Variants in ARHGAP45 observed in about 807,000 individuals in gnomAD.
The protein encoded by ARHGAP45 is rho GTPase-activating protein 45.
In ARHGAP45, 56 loss-of-function variants were observed where a neutral mutation model predicts 116.1. The observed-to-expected ratio is 0.48, with a 90% CI of 0.39 to 0.60. ARHGAP45 has a LOEUF of 0.60. ARHGAP45 is among the 20% of genes least tolerant of loss of function. The probability of loss-of-function intolerance (pLI) is 0.00; values close to 1 mark genes in which losing one functional copy is unlikely to be tolerated. For synonymous variants in ARHGAP45, 866 were observed against 701.7 expected (o/e 1.23, Z -3.70); for missense variants, 1,622 against 1,601.0 (o/e 1.01, Z -0.22).
chr19:1,080,903 G>A lies in ARHGAP45; in HGVS notation c.2029G>A (p.Gly677Ser), dbSNP rs574558883. 2.5e-6 allele frequency: 4 copies of A among 1,608,328 alleles called. No homozygotes were observed. Among genetic ancestry groups the A allele is most frequent in the East Asian group, 4.5e-5 (2 of 44,750 alleles). ...ASAFEQADLN[G>S]MTPELPVAVP... ...TGTGCTGCCCGCAGCTGACCTCAAC[G>A]GCATGACCCCCGAGCTGCCGGTGGC... The change falls in exon 17 of 23, where the codon GGC becomes AGC. Residue 677 changes from glycine (G) to serine (S), a missense_variant. Gly to Ser is a moderately conservative substitution (Grantham distance 56). Coordinates refer to ENST00000313093, the MANE Select transcript of ARHGAP45 (RefSeq NM_012292.5).
In ARHGAP45 at chr19:1,069,851, C is replaced by G. The variant is rs922468681; in HGVS notation, c.421+1107C>G. Among the ~76,000 whole-genome samples the G allele has an allele frequency of 1.4e-5, 2 of 146,828 alleles. No individual in the cohort carries two copies. Among genetic ancestry groups the G allele is most frequent in the Admixed American group, 1.4e-4 (2 of 14,476 alleles). ...TTTTTTTTTGATACAGGGTCTTGCTCTGTTGCCCAGGCTGGAGTCCAGTGG... is the reference window on the plus strand; with the variant it reads ...TTTTTTTTTGATACAGGGTCTTGCTGTGTTGCCCAGGCTGGAGTCCAGTGG... On this transcript the variant is annotated intron_variant, in intron 2 of 22. Transcript: ENST00000313093. This position sits in a 1 kb window ranked among gnomAD's most constrained non-coding sequence, Gnocchi z 4.1.
intron 22 of ARHGAP45, 112 bp downstream of exon 22, chr19:1,084,458 TTC>T (rs2043541399): frequency 1.4e-6 from 1 of 725,242 alleles, no homozygotes; most frequent in South Asian, 1.8e-5. Flanking sequence ...GTGCTGCACA[TTC>T]TGTGGATTTC....
rs1050257729 is a variant in ARHGAP45 at position 1,067,207 on chromosome 19, G to T, written c.-199G>T. 2.2e-6 allele frequency: 3 copies of T among 1,355,182 alleles called. No homozygotes were observed. The highest frequency in any genetic ancestry group is 1.9e-6 in the Non-Finnish European group (2 of 1,059,806). The allele number at this position is 1,355,182 out of a possible 1,614,324, so 83.9% of individuals were successfully genotyped here. A position where few individuals can be genotyped will look rare whatever the true frequency, so the allele number is the denominator to read the frequency against. ...AGGCTGAGGCCGGGAAGGGTCGGGG[G>T]CGAGGCCGCGTCGCCGCCTCCCCGA... is the stretch of plus-strand genomic sequence containing the variant. On this transcript the variant is annotated 5_prime_UTR_variant, in exon 1 of 23. Coordinates refer to ENST00000313093, the MANE Select transcript of ARHGAP45 (RefSeq NM_012292.5).
intron 19 of ARHGAP45, chr19:1,082,388 C>A (rs1427077233): frequency 1.1e-5 from 2 of 178,030 alleles, no homozygotes; most frequent in Non-Finnish European, 2.0e-5. Context: ...TAGACAAGTG[C>A]GGGGCTGGCG....
intron 1 of ARHGAP45, 124 bp downstream of exon 1, chr19:1,067,619 G>T (rs753401432): frequency 1.0e-6 from 1 of 954,168 alleles, no homozygotes; most frequent in South Asian, 1.4e-5. Context: ...AGCCCCTACC[G>T]GGCGGGACGG....
Position 1,083,338 on chromosome 19 carries a change from G to C in ARHGAP45, c.2940G>C (p.Glu980Asp), listed in dbSNP as rs1443778246. ...YGLVFEEEPE[E>D]TPGGQDESSN... ...TGGTCTTCGAGGAGGAGCCGGAGGA[G>C]ACCCCCGGGGGCCAGGTGAGGGTGT... The change falls in exon 21 of 23, where the codon GAG (glutamate) becomes GAC (aspartate). Residue 980 changes from glutamate to aspartate, a missense_variant. Coordinates refer to ENST00000313093, the MANE Select transcript of ARHGAP45 (RefSeq NM_012292.5). 1.3e-6 allele frequency: 2 copies of C among 1,550,988 alleles called. No homozygotes were observed.
In ARHGAP45 at chr19:1,080,923, G is replaced by A. The variant is rs199528174; in HGVS notation, c.2049G>A (p.Pro683=). 4 of 1,609,082 alleles carry A rather than the reference G, an allele frequency of 2.5e-6. No individual in the cohort carries two copies. Among genetic ancestry groups the A allele is most frequent in the East Asian group, 2.2e-5 (1 of 44,756 alleles). The part of the protein sequence containing the change: ...ADLNGMTPEL[P]VAVPSGPFRH... ...TCAACGGCATGACCCCCGAGCTGCCGGTGGCCGTGCCCAGTGGACCGTTCC... is the reference window on the plus strand; with the variant it reads ...TCAACGGCATGACCCCCGAGCTGCCAGTGGCCGTGCCCAGTGGACCGTTCC... The change falls in exon 17 of 23, where the codon CCG becomes CCA. Residue 683 remains proline (P), a synonymous_variant. Transcript: ENST00000313093.
intron 2 of ARHGAP45, 88 bp from the exon 3 acceptor site, chr19:1,073,061 G>A: frequency 6.9e-7 from 1 of 1,450,748 alleles, no homozygotes; most frequent in Non-Finnish European, 9.2e-7. Context: ...CCCCATCTGG[G>A]AACAGGAGCT....
rs771305032 is a variant in ARHGAP45 at position 1,079,672 on chromosome 19, C to T, written c.1375-31C>T. ...CTGAGTCCTGCACCCCGGGCTGAGGCCTCTCTCTGTGCGCCCCGCCCCCAC... is the reference window on the plus strand; with the variant it reads ...CTGAGTCCTGCACCCCGGGCTGAGGTCTCTCTCTGTGCGCCCCGCCCCCAC... On this transcript the variant is annotated intron_variant, in intron 11 of 22. Coordinates refer to ENST00000313093, the MANE Select transcript of ARHGAP45 (RefSeq NM_012292.5). 3.4e-5 allele frequency: 55 copies of T among 1,610,582 alleles called. No homozygotes were observed. The East Asian group carries it at 1.2e-3, about 35-fold the overall frequency.
At chr19:1,073,835 C>G (rs1249439018) in intron 5 of ARHGAP45, 89 bp downstream of exon 5, 1 of 1,531,386 alleles carries the variant, frequency 6.5e-7, no homozygotes, top group East Asian at 2.4e-5. Context: ...CACCCTGCTT[C>G]CCCTGTGCGC....
chr19:1,072,129 T>C (rs1305331150), intron 2 of ARHGAP45, among the ~76,000 whole-genome samples: 2 of 152,162 alleles, frequency 1.3e-5, no homozygotes, highest in Non-Finnish European at 2.9e-5. Flanking sequence ...TGGCGCGATC[T>C]CGGCTCACTG....
chr19:1,083,124 GC>G lies in ARHGAP45; in HGVS notation c.2745-15del. 1 of 1,594,968 alleles carries G rather than the reference GC, an allele frequency of 6.3e-7. No homozygotes were observed. Reference sequence around the variant, plus strand: ...GGTCCCGGGAGCCGCTCAGCACCTGGCCCCTGCCCACCCCGCAGGATCGTGG... The same window carrying G: ...GGTCCCGGGAGCCGCTCAGCACCTGGCCCTGCCCACCCCGCAGGATCGTGG... On this transcript the variant is annotated intron_variant, in intron 20 of 22. Transcript: ENST00000313093.
At position 1,068,819 on chromosome 19, in the gene ARHGAP45, G is replaced by C; in HGVS notation, c.421+75G>C. 7.0e-7 allele frequency: 1 copy of C among 1,430,242 alleles called. No individual in the cohort carries two copies. The highest frequency in any genetic ancestry group is 1.2e-5 in the South Asian group (1 of 82,104). The allele number at this position is 1,430,242 out of a possible 1,614,324, so 88.6% of individuals were successfully genotyped here. Reference sequence around the variant, plus strand: ...CAAGGGAGGATGGAGGGAGGGACTTGGGGAGGCTCAGAAGGGAGGGAGGCT... The same window carrying C: ...CAAGGGAGGATGGAGGGAGGGACTTCGGGAGGCTCAGAAGGGAGGGAGGCT... On this transcript the variant is annotated intron_variant, in intron 2 of 22. Coordinates refer to ENST00000313093, the MANE Select transcript of ARHGAP45 (RefSeq NM_012292.5). The surrounding 1 kb of genome is among the most constrained non-coding windows in gnomAD (Gnocchi z 7.5).
chr19:1,083,882 A>C (rs938175948), intron 21 of ARHGAP45, among the ~76,000 whole-genome samples: 1 of 152,156 alleles, frequency 6.6e-6, no homozygotes. Flanking sequence ...CTGGGACTAC[A>C]GGCGCCGGCC....
Position 1,074,832 on chromosome 19 carries a change from C to T in ARHGAP45, c.1138C>T (p.Arg380Cys). The change falls in exon 10 of 23, where the codon CGC (arginine) becomes TGC (cysteine). Residue 380 changes from arginine to cysteine, a missense_variant. Arg to Cys is a radical substitution (Grantham distance 180). This residue lies in a region of ARHGAP45 where 1,334 missense variants were observed against 1,263.8 expected (regional missense o/e 1.06). Coordinates refer to ENST00000313093, the MANE Select transcript of ARHGAP45 (RefSeq NM_012292.5). ...LTLRRLEHEKRRKEIKEAWHR... is the reference protein window; with the variant it reads ...LTLRRLEHEKCRKEIKEAWHR... ...CCTGCGGCGGCTTGAACACGAGAAGCGCAGGAAGGAGATCAAGGAGGCCTG... is the reference window on the plus strand; with the variant it reads ...CCTGCGGCGGCTTGAACACGAGAAGTGCAGGAAGGAGATCAAGGAGGCCTG... 6.4e-7 allele frequency: 1 copy of T among 1,558,442 alleles called. No homozygotes were observed. The highest frequency in any genetic ancestry group is 8.7e-7 in the Non-Finnish European group (1 of 1,148,826).
At chr19:1,078,609 C>A (rs150978256) in intron 11 of ARHGAP45, among the ~76,000 whole-genome samples, 12 of 151,250 alleles carry the variant, frequency 7.9e-5, no homozygotes, top group African/African-American at 2.9e-4. Flanking sequence ...CAGAGTTTCA[C>A]CATCTTGGCC....
chr19:1,073,847 T>C, intron 5 of ARHGAP45, 101 bp downstream of exon 5: 1 of 1,532,066 alleles, frequency 6.5e-7, no homozygotes, highest in Non-Finnish European at 8.8e-7. Context: ...CCTGTGCGCC[T>C]TGGTTTCCCT....
In ARHGAP45 at chr19:1,085,677, A is replaced by C. The variant is rs758207031; in HGVS notation, c.3082A>C (p.Asn1028His). 1.3e-6 allele frequency: 2 copies of C among 1,576,934 alleles called. No individual in the cohort carries two copies. The highest frequency in any genetic ancestry group is 2.3e-5 in the South Asian group (2 of 87,808). The change falls in exon 23 of 23, where the codon AAC becomes CAC. Residue 1028 changes from asparagine to histidine, a missense_variant. Around this residue, in one of 3 missense-constraint regions of ARHGAP45, gnomAD observed 1,334 missense variants for 1,263.8 expected, o/e 1.06. Coordinates refer to ENST00000313093, the MANE Select transcript of ARHGAP45 (RefSeq NM_012292.5). ...TTTCTTAGAATCCCGAGTTGTGTCCAACGATTCGGACTCGGACCTAGAGGA... is the reference window on the plus strand; with the variant it reads ...TTTCTTAGAATCCCGAGTTGTGTCCCACGATTCGGACTCGGACCTAGAGGA... ...DGCRESRVVS[N>H]DSDSDLEEAS...
chr19:1,084,212 CTA>C (rs774146779), intron 21 of ARHGAP45, 24 bp from the exon 22 acceptor site: 8 of 1,603,710 alleles, frequency 5.0e-6, no homozygotes, highest in South Asian at 2.2e-5. Context: ...CCCGGCCCCT[CTA>C]TGACTTCCGT....
Sources: allele counts gnomAD v4.1 joint callset (sites outside exome capture counted in the v4.1 genomes callset), GRCh38; gene constraint gnomAD v4.1.1; regional missense constraint gnomAD v4.1.1; non-coding constraint Gnocchi (gnomAD v3.1); transcripts MANE v1.5; gene names NCBI Gene and HGNC (gene_info 2026-07-23, HGNC 2026-07-21).